Variants in C2orf66 observed in about 807,000 individuals in gnomAD.
The protein encoded by C2orf66 is uncharacterized protein C2orf66.
A neutral mutation model predicts 7.0 loss-of-function variants in C2orf66; 6 were observed. The ratio of observed to expected loss-of-function variants is 0.86; its 90% CI spans 0.47 to 1.69. The LOEUF (loss-of-function observed/expected upper bound fraction) is 1.69, where lower values mean the gene tolerates loss of function less well. C2orf66 is among the 40% of genes most tolerant of loss of function. C2orf66 has a pLI of 0.01. For synonymous variants in C2orf66, 38 were observed against 43.8 expected (o/e 0.87, Z 0.52); for missense variants, 107 against 112.0 (o/e 0.96, Z 0.20).
Position 196,809,230 on chromosome 2 carries a change from G to A in C2orf66, c.107C>T (p.Pro36Leu). Residue 36 changes from proline (P) to leucine (L), a missense_variant, in exon 1 of 3, where the codon CCC becomes CTC. Pro to Leu is a moderately conservative substitution (Grantham distance 98). Transcript: ENST00000342506. Reference sequence around the variant, plus strand: ...TGTTCTTACCAGATCTCTGTTTCTGGGGTTGTTGAGTGGCTTCCATTTGTC... The same window carrying A: ...TGTTCTTACCAGATCTCTGTTTCTGAGGTTGTTGAGTGGCTTCCATTTGTC... Reference protein sequence around the residue: ...NEDKWKPLNNPRNRDLFFRRL... With the variant: ...NEDKWKPLNNLRNRDLFFRRL... 1 of 1,613,934 alleles carries A rather than the reference G, an allele frequency of 6.2e-7. No homozygotes were observed. Among genetic ancestry groups the A allele is most frequent in the Non-Finnish European group, 8.5e-7 (1 of 1,179,904 alleles).
the C2orf66 span, among the ~76,000 whole-genome samples, chr2:196,819,339 A>G: frequency 6.6e-6 from 1 of 152,096 alleles, no homozygotes; most frequent in Non-Finnish European, 1.5e-5. Flanking sequence ...ATAGAGCCCT[A>G]ATGAATGGGA....
chr2:196,810,527 C>T (rs555640245), upstream of C2orf66, among the ~76,000 whole-genome samples: 1 of 152,178 alleles, frequency 6.6e-6, no homozygotes, highest in Admixed American at 6.5e-5. Flanking sequence ...ATTACTATAC[C>T]TACAACATTC....
the C2orf66 span, among the ~76,000 whole-genome samples, chr2:196,829,072 T>C: frequency 3.3e-5 from 5 of 152,190 alleles, no homozygotes; most frequent in African/African-American, 1.2e-4. Context: ...TATATATGTA[T>C]ATATACATAC....
chr2:196,821,691 C>T, the C2orf66 span, among the ~76,000 whole-genome samples: 1 of 151,988 alleles, frequency 6.6e-6, no homozygotes, highest in Non-Finnish European at 1.5e-5. Context: ...TTGTATTGAA[C>T]CACATTTTAG....
upstream of C2orf66, among the ~76,000 whole-genome samples, chr2:196,813,068 T>A (rs1405407303): frequency 6.6e-6 from 1 of 152,014 alleles, no homozygotes; most frequent in African/African-American, 2.4e-5. Flanking sequence ...TTCACAGAAC[T>A]GGAAACAACT....
At chr2:196,828,230 TCACACA>T in the C2orf66 span, among the ~76,000 whole-genome samples, 8,016 of 125,018 alleles carry the variant, frequency 0.064, 318 homozygotes, top group Middle Eastern at 0.14. Flanking sequence ...TCTCTCTCTC[TCACACA>T]CACACACACA....
At chr2:196,814,787 A>G in the C2orf66 span, among the ~76,000 whole-genome samples, 1 of 152,174 alleles carries the variant, frequency 6.6e-6, no homozygotes, top group Non-Finnish European at 1.5e-5. Flanking sequence ...TTGTATAAAA[A>G]CATAGTTCAT....
the C2orf66 span, among the ~76,000 whole-genome samples, chr2:196,817,363 T>C: frequency 1.3e-5 from 2 of 151,192 alleles, no homozygotes; most frequent in Non-Finnish European, 2.9e-5. Context: ...GCCTCCCAAG[T>C]AGCTGGGACC....
At chr2:196,806,605 C>T (rs1032940091) in intron 2 of C2orf66, among the ~76,000 whole-genome samples, 1 of 151,290 alleles carries the variant, frequency 6.6e-6, no homozygotes, top group African/African-American at 2.4e-5. Flanking sequence ...AATCCCAGCA[C>T]TTTGGGAGGC....
the C2orf66 span, among the ~76,000 whole-genome samples, chr2:196,818,315 C>G: frequency 6.6e-6 from 1 of 152,202 alleles, no homozygotes; most frequent in African/African-American, 2.4e-5. Flanking sequence ...CCAGGCCAAG[C>G]AAGGTTGCCA....
chr2:196,824,866 C>A, the C2orf66 span, among the ~76,000 whole-genome samples: 1 of 152,104 alleles, frequency 6.6e-6, no homozygotes, highest in South Asian at 2.1e-4. Flanking sequence ...AAACCATAGA[C>A]CTGATAAGGA....
chr2:196,808,960 T>C (rs187946527), intron 1 of C2orf66, among the ~76,000 whole-genome samples: 12 of 152,312 alleles, frequency 7.9e-5, no homozygotes, highest in Admixed American at 6.5e-4. Flanking sequence ...TACAAATGAA[T>C]TGTACTATGT....
At chr2:196,821,753 T>C in the C2orf66 span, among the ~76,000 whole-genome samples, 4 of 152,172 alleles carry the variant, frequency 2.6e-5, no homozygotes, top group African/African-American at 9.6e-5. Context: ...TCTTAAAATA[T>C]AACTTAAATT....
the C2orf66 span, among the ~76,000 whole-genome samples, chr2:196,825,799 C>T: frequency 0.025 from 3,878 of 152,276 alleles, 161 homozygotes; most frequent in African/African-American, 0.088. Context: ...TGCTCTCACA[C>T]ATTCAGCCTT....
chr2:196,827,863 C>T, the C2orf66 span, among the ~76,000 whole-genome samples: 1 of 152,166 alleles, frequency 6.6e-6, no homozygotes, highest in Admixed American at 6.5e-5. Context: ...AATATGAATA[C>T]TCAAATGGGC....
the C2orf66 span, among the ~76,000 whole-genome samples, chr2:196,819,098 T>C: frequency 3.3e-5 from 5 of 152,226 alleles, no homozygotes; most frequent in Non-Finnish European, 7.3e-5. Flanking sequence ...CTCCAACCCT[T>C]GTATGCCCTC....
intron 1 of C2orf66, among the ~76,000 whole-genome samples, chr2:196,808,480 G>A (rs1365378604): frequency 6.6e-6 from 1 of 152,138 alleles, no homozygotes; most frequent in Non-Finnish European, 1.5e-5. Context: ...GACCACTTTT[G>A]TTGCCATCTG....
intron 1 of C2orf66, among the ~76,000 whole-genome samples, chr2:196,808,395 A>T (rs1325403683): frequency 1.3e-5 from 2 of 152,194 alleles, no homozygotes; most frequent in Non-Finnish European, 2.9e-5. Context: ...GCTTCCAGGT[A>T]ATTGCCATGA....
the C2orf66 span, among the ~76,000 whole-genome samples, chr2:196,819,533 C>G: frequency 6.6e-6 from 1 of 151,660 alleles, no homozygotes; most frequent in Non-Finnish European, 1.5e-5. Context: ...CTGTTGTTCA[C>G]AAGCCACCCA....
Sources: allele counts gnomAD v4.1 joint callset (sites outside exome capture counted in the v4.1 genomes callset), GRCh38; gene constraint gnomAD v4.1.1; transcripts MANE v1.5; gene names NCBI Gene and HGNC (gene_info 2026-07-23, HGNC 2026-07-21).